The following CALD1 variants were observed in gnomAD, a reference collection of about 807,000 sequenced individuals.
CALD1 encodes caldesmon 1.
Under a neutral mutation model 99.9 loss-of-function variants are expected in CALD1, and 33 were observed. That is an observed-to-expected ratio of 0.33 (90% confidence interval 0.25 to 0.44). The LOEUF (loss-of-function observed/expected upper bound fraction) is 0.44, where lower values mean the gene tolerates loss of function less well. Ranked by LOEUF, CALD1 falls within the 20% of genes least tolerant of loss-of-function variation. The pLI, the probability that CALD1 is intolerant of heterozygous loss-of-function variation, is 1.00. For synonymous variants in CALD1, 310 were observed against 325.0 expected (o/e 0.95, Z 0.50); for missense variants, 861 against 962.1 (o/e 0.89, Z 1.39).
intron 1 of CALD1, among the ~76,000 whole-genome samples, chr7:134,823,712 A>C (rs968732578): frequency 6.6e-6 from 1 of 152,228 alleles, no homozygotes; most frequent in Non-Finnish European, 1.5e-5. Context: ...TCTCAAAATA[A>C]ACTTTCTGGA....
intron 1 of CALD1, among the ~76,000 whole-genome samples, chr7:134,821,131 AAAT>A (rs1438469613): frequency 6.6e-6 from 1 of 152,154 alleles, no homozygotes; most frequent in Non-Finnish European, 1.5e-5. Flanking sequence ...TGGCAATGTA[AAAT>A]AATAATATAA....
At chr7:134,921,160 C>A (rs1001558428) in intron 3 of CALD1, among the ~76,000 whole-genome samples, 4 of 152,154 alleles carry the variant, frequency 2.6e-5, no homozygotes, top group Non-Finnish European at 5.9e-5. Flanking sequence ...ATGTCCACAC[C>A]AAGTATTTTC....
rs200599593 is a variant in CALD1 at position 134,928,925 on chromosome 7, G to A, written c.218+25G>A. 189 of 1,583,392 alleles carry A rather than the reference G, an allele frequency of 1.2e-4. No individual in the cohort carries two copies. The African/African-American group carries it at 2.2e-3, about 18-fold the overall frequency. ...GGTACTGTCCTCTTTGGGACGGGGA[G>A]TTTCTAACTTGCGTCTTAGCCTGTC... On this transcript the variant is annotated intron_variant, in intron 4 of 14. Coordinates refer to ENST00000361675, the MANE Select transcript of CALD1 (RefSeq NM_033138.4).
At chr7:134,795,855 T>C (rs1349076234) in intron 1 of CALD1, among the ~76,000 whole-genome samples, 1 of 152,138 alleles carries the variant, frequency 6.6e-6, no homozygotes, top group Non-Finnish European at 1.5e-5. Context: ...GAAATATCTA[T>C]CCAGAGAGCT....
chr7:134,936,347 A>C (rs758551644), intron 6 of CALD1, among the ~76,000 whole-genome samples: 48 of 152,236 alleles, frequency 3.2e-4, no homozygotes, highest in Middle Eastern at 3.2e-3. Context: ...ACTGTAGGTA[A>C]GTGAACAAGG....
At chr7:134,727,273 C>A in the CALD1 span, among the ~76,000 whole-genome samples, 8 of 152,216 alleles carry the variant, frequency 5.3e-5, no homozygotes, top group Non-Finnish European at 1.0e-4. Context: ...TTAGTGAGAG[C>A]CATGTGCTTT....
At chr7:134,960,653 G>A (rs764824975) in intron 13 of CALD1, 25 bp downstream of exon 13, 1 of 1,447,412 alleles carries the variant, frequency 6.9e-7, no homozygotes, top group Non-Finnish European at 9.7e-7. Flanking sequence ...GTTTTTCTGA[G>A]TTTCTTTGAT....
At chr7:134,727,640 C>T in the CALD1 span, among the ~76,000 whole-genome samples, 23 of 152,312 alleles carry the variant, frequency 1.5e-4, no homozygotes, top group African/African-American at 4.6e-4. Flanking sequence ...TTTCCTTGCA[C>T]GGATTAAAGC....
At chr7:134,961,032 G>A (rs1808222709) in intron 13 of CALD1, 1 of 154,322 alleles carries the variant, frequency 6.5e-6, no homozygotes, top group African/African-American at 2.4e-5. Flanking sequence ...GAATATGTAT[G>A]TTGCCTATTG....
intron 1 of CALD1, among the ~76,000 whole-genome samples, chr7:134,766,381 G>A (rs1796827295): frequency 1.3e-5 from 2 of 151,596 alleles, no homozygotes; most frequent in South Asian, 2.1e-4. Flanking sequence ...CCTGACCTCG[G>A]GTGATCCACC....
At chr7:134,944,620 C>T (rs1372075723) in intron 7 of CALD1, 1 of 152,098 alleles carries the variant, frequency 6.6e-6, no homozygotes, top group African/African-American at 2.4e-5. Context: ...CAGCTAGAAA[C>T]ACTGTACCAT....
chr7:134,789,284 T>C (rs1225659782), intron 1 of CALD1, among the ~76,000 whole-genome samples: 1 of 152,206 alleles, frequency 6.6e-6, no homozygotes, highest in Non-Finnish European at 1.5e-5. Context: ...GTCCCACAGC[T>C]AGTAAGTAGC....
chr7:134,727,111 A>G, the CALD1 span, among the ~76,000 whole-genome samples: 1 of 152,240 alleles, frequency 6.6e-6, no homozygotes, highest in African/African-American at 2.4e-5. Context: ...CTACAGTGGG[A>G]AGCAAGTTTT....
intron 3 of CALD1, among the ~76,000 whole-genome samples, chr7:134,918,589 T>C (rs1053078952): frequency 1.3e-5 from 2 of 152,202 alleles, no homozygotes; most frequent in Non-Finnish European, 2.9e-5. Flanking sequence ...TTTGGAGGCA[T>C]ATAAAAAGAG....
At chr7:134,966,510 G>C (rs1311127455) in intron 14 of CALD1, among the ~76,000 whole-genome samples, 1 of 152,094 alleles carries the variant, frequency 6.6e-6, no homozygotes, top group African/African-American at 2.4e-5. Context: ...TATTTCATTT[G>C]ATCCTCCAGT....
Position 134,893,244 on chromosome 7 carries a change from C to T in CALD1, c.71+25440C>T, listed in dbSNP as rs576031617. ...TGGTTGTCATTGCCTGCCATCTGGT[C>T]CTCGGCCTCTGTCTCTCTCCCCTTT... On this transcript the variant is annotated intron_variant, in intron 3 of 14. Coordinates refer to ENST00000361675, the MANE Select transcript of CALD1 (RefSeq NM_033138.4). Among the ~76,000 whole-genome samples, 4 of 152,250 alleles carry T rather than the reference C, an allele frequency of 2.6e-5. No homozygotes were observed. The South Asian group carries it at 8.3e-4, about 32-fold the overall frequency.
At chr7:134,946,756 C>G (rs895696132) in intron 7 of CALD1, among the ~76,000 whole-genome samples, 15 of 151,796 alleles carry the variant, frequency 9.9e-5, no homozygotes, top group Non-Finnish European at 2.1e-4. Flanking sequence ...TCTCGGCTCA[C>G]TGCAACCCCT....
At chr7:134,875,062 A>G (rs1489235431) in intron 3 of CALD1, among the ~76,000 whole-genome samples, 2 of 152,270 alleles carry the variant, frequency 1.3e-5, no homozygotes, top group African/African-American at 2.4e-5. Flanking sequence ...TCCATTAAGA[A>G]GTTAAATACG....
chr7:134,940,248 C>G (rs117728024), intron 6 of CALD1, among the ~76,000 whole-genome samples: 60 of 152,292 alleles, frequency 3.9e-4, no homozygotes, highest in Middle Eastern at 6.8e-3. Context: ...CCCCCTCCCC[C>G]ACAAAAAGCT....
Sources: allele counts gnomAD v4.1 joint callset (sites outside exome capture counted in the v4.1 genomes callset), GRCh38; gene constraint gnomAD v4.1.1; transcripts MANE v1.5; gene names NCBI Gene and HGNC (gene_info 2026-07-23, HGNC 2026-07-21).